ST7: variants seen among roughly 807,000 people sequenced by gnomAD.
The protein encoded by ST7 is suppression of tumorigenicity 7.
A neutral mutation model predicts 78.7 loss-of-function variants in ST7; 28 were observed. That is an observed-to-expected ratio of 0.36 (90% CI 0.26 to 0.49). The LOEUF (loss-of-function observed/expected upper bound fraction) is 0.49, where lower values mean the gene tolerates loss of function less well. Among genes scored for constraint, ST7 ranks in the 20% least tolerant of loss-of-function variants. ST7 has a pLI of 0.99. For missense variants in ST7, 418 were observed against 696.0 expected (o/e 0.60, Z 4.49); for synonymous variants, 247 against 249.6 (o/e 0.99, Z 0.10).
At chr7:117,058,149 G>T (rs1798159659) in intron 1 of ST7, among the ~76,000 whole-genome samples, 1 of 152,160 alleles carries the variant, frequency 6.6e-6, no homozygotes, top group Admixed American at 6.5e-5. Context: ...TGAGTAGTTG[G>T]AAACACATGT....
At chr7:117,176,357 A>G (rs1220565094) in intron 10 of ST7, among the ~76,000 whole-genome samples, 1 of 152,198 alleles carries the variant, frequency 6.6e-6, no homozygotes, top group Non-Finnish European at 1.5e-5. Flanking sequence ...CCATCTGGTA[A>G]TTTGCAGAGG....
chr7:117,020,597 T>C (rs1258101488), intron 1 of ST7: 3 of 1,550,502 alleles, frequency 1.9e-6, no homozygotes, highest in Non-Finnish European at 2.6e-6. Context: ...AAGCAGCCTC[T>C]GGAGCCAGCC....
chr7:117,230,153 A>G lies in ST7; in HGVS notation c.*296A>G. The G allele has an allele frequency of 2.0e-6, 1 of 505,454 alleles. No individual in the cohort carries two copies. The highest frequency in any genetic ancestry group is 3.7e-6 in the Non-Finnish European group (1 of 273,720). The allele number at this position is 505,454 out of a possible 1,614,324, so 31.3% of individuals were successfully genotyped here. On this transcript the variant is annotated 3_prime_UTR_variant, in exon 16 of 16. Coordinates refer to ENST00000323984, the MANE Select transcript of ST7 (RefSeq NM_001369598.1). ...CAACCCTAAAATTGTTGATGTCCCA[A>G]ATAAACCTTTGGATTTACCTTGAGT...
chr7:117,177,783 G>A (rs1808453965), intron 10 of ST7, among the ~76,000 whole-genome samples: 1 of 152,092 alleles, frequency 6.6e-6, no homozygotes, highest in African/African-American at 2.4e-5. Flanking sequence ...CCTCGGATTG[G>A]CTTTTTGAAG....
chr7:117,065,820 C>T (rs1177857689), intron 1 of ST7, among the ~76,000 whole-genome samples: 2 of 152,178 alleles, frequency 1.3e-5, no homozygotes, highest in Non-Finnish European at 2.9e-5. Context: ...TTCCATTGTA[C>T]TTAGAATAAA....
chr7:117,225,778 C>A (rs924469318), intron 15 of ST7, among the ~76,000 whole-genome samples: 10 of 152,290 alleles, frequency 6.6e-5, no homozygotes, highest in Admixed American at 3.9e-4. Flanking sequence ...AACTCTCCAG[C>A]ATGTTTACTT....
chr7:116,968,147 C>G (rs1195403079), intron 1 of ST7, among the ~76,000 whole-genome samples: 2 of 152,120 alleles, frequency 1.3e-5, no homozygotes, highest in Non-Finnish European at 2.9e-5. Flanking sequence ...AGATTTTGTT[C>G]ATACTGATTC....
At chr7:117,073,558 G>C (rs1440808884) in intron 1 of ST7, among the ~76,000 whole-genome samples, 1 of 152,186 alleles carries the variant, frequency 6.6e-6, no homozygotes, top group Non-Finnish European at 1.5e-5. Flanking sequence ...GTGGAGGGCA[G>C]TGTGAGTGGT....
At chr7:117,119,500 A>T in intron 2 of ST7, 61 bp from the exon 3 acceptor site, 1 of 1,462,024 alleles carries the variant, frequency 6.8e-7, no homozygotes, top group Non-Finnish European at 9.2e-7. Flanking sequence ...TTTTATGGGC[A>T]TGTGTACAGA....
Position 116,972,707 on chromosome 7 carries a change from G to A in ST7, c.151+19016G>A, listed in dbSNP as rs754575325. On this transcript the variant is annotated intron_variant, in intron 1 of 15. Transcript: ENST00000323984. ...AGCTTTTGCAGGGCAGTGGCTGGGCGCTCCTGAGCACAGTCCAGCTTCTCA... is the reference window on the plus strand; with the variant it reads ...AGCTTTTGCAGGGCAGTGGCTGGGCACTCCTGAGCACAGTCCAGCTTCTCA... The A allele has an allele frequency of 9.3e-5, 86 of 926,904 alleles. 3 individuals are homozygous for A. Among genetic ancestry groups the A allele is most frequent in the South Asian group, 1.3e-4 (10 of 76,758 alleles). 57.4% of individuals were successfully genotyped at this position (926,904 alleles called of 1,614,324 possible).
intron 1 of ST7, among the ~76,000 whole-genome samples, chr7:117,045,271 T>G (rs1797435990): frequency 6.6e-6 from 1 of 152,088 alleles, no homozygotes; most frequent in South Asian, 2.1e-4. Flanking sequence ...CCAGTAGTTT[T>G]CCATCACCCT....
At chr7:116,980,216 C>T (rs1269082985) in intron 1 of ST7, among the ~76,000 whole-genome samples, 1 of 152,058 alleles carries the variant, frequency 6.6e-6, no homozygotes, top group African/African-American at 2.4e-5. Context: ...GCCTCGCCTC[C>T]CAAAGTGCTG....
At chr7:117,050,940 AAAAAAG>A (rs1461075052) in intron 1 of ST7, among the ~76,000 whole-genome samples, 4 of 152,172 alleles carry the variant, frequency 2.6e-5, no homozygotes, top group East Asian at 3.9e-4. Flanking sequence ...AAAAAAAAAA[AAAAAAG>A]AAAAGAAAAT....
intron 9 of ST7, among the ~76,000 whole-genome samples, chr7:117,142,172 G>A (rs17139390): frequency 0.071 from 10,788 of 151,710 alleles, 520 homozygotes; most frequent in East Asian, 0.19. Context: ...GTCTTTCCCT[G>A]GCCCTATTTG....
At chr7:116,960,055 A>G (rs1792740783) in intron 1 of ST7, among the ~76,000 whole-genome samples, 1 of 152,198 alleles carries the variant, frequency 6.6e-6, no homozygotes, top group South Asian at 2.1e-4. Context: ...ATTGCATTGA[A>G]AATACAATCT....
intron 9 of ST7, among the ~76,000 whole-genome samples, chr7:117,164,004 A>T (rs769608419): frequency 6.6e-6 from 1 of 152,200 alleles, no homozygotes; most frequent in Non-Finnish European, 1.5e-5. Context: ...TCATAGAAAT[A>T]GAAAAACAAT....
intron 2 of ST7, among the ~76,000 whole-genome samples, chr7:117,108,132 G>A (rs1211981257): frequency 1.3e-5 from 2 of 151,844 alleles, no homozygotes; most frequent in African/African-American, 4.8e-5. Flanking sequence ...TGTTGCACTT[G>A]CTTTTGGGTT....
chr7:117,208,030 C>G (rs1367981983), intron 12 of ST7, among the ~76,000 whole-genome samples: 2 of 151,946 alleles, frequency 1.3e-5, no homozygotes, highest in Non-Finnish European at 2.9e-5. Context: ...GTAACAAAAT[C>G]ACAAGAGGAT....
At chr7:116,982,078 T>C (rs984489389) in intron 1 of ST7, among the ~76,000 whole-genome samples, 1 of 152,218 alleles carries the variant, frequency 6.6e-6, no homozygotes, top group Non-Finnish European at 1.5e-5. Context: ...ACCTTTCAGT[T>C]CCACTTTAAT....
Sources: allele counts gnomAD v4.1 joint callset (sites outside exome capture counted in the v4.1 genomes callset), GRCh38; gene constraint gnomAD v4.1.1; transcripts MANE v1.5; gene names NCBI Gene and HGNC (gene_info 2026-07-23, HGNC 2026-07-21).